The following ADGRL2 variants were observed in gnomAD, a reference collection of about 807,000 sequenced individuals.
ADGRL2 encodes adhesion G protein-coupled receptor L2, also known as calcium-independent alpha-latrotoxin receptor 2.
In ADGRL2, 44 loss-of-function variants were observed where a neutral mutation model predicts 157.4. The ratio of observed to expected loss-of-function variants is 0.28; its 90% CI spans 0.22 to 0.36. ADGRL2 has a LOEUF of 0.36. Among genes scored for constraint, ADGRL2 ranks in the 10% least tolerant of loss-of-function variants. ADGRL2 has a pLI of 1.00. For missense variants in ADGRL2, 1,510 were observed against 1,768.9 expected (o/e 0.85, Z 2.63); for synonymous variants, 585 against 624.7 (o/e 0.94, Z 0.95).
At chr1:81,326,824 C>T (rs969053401) in intron 1 of ADGRL2, among the ~76,000 whole-genome samples, 16 of 152,038 alleles carry the variant, frequency 1.1e-4, no homozygotes, top group African/African-American at 3.4e-4. Flanking sequence ...CATCCTGAAC[C>T]GTCAGAAATA....
intron 2 of ADGRL2, among the ~76,000 whole-genome samples, chr1:81,558,367 T>TA (rs1023215274): frequency 5.3e-5 from 8 of 151,730 alleles, no homozygotes; most frequent in Middle Eastern, 6.8e-3. Flanking sequence ...GTGATAATAC[T>TA]AAAAAAAAAT....
chr1:81,655,279 C>T (rs926147363), intron 3 of ADGRL2, among the ~76,000 whole-genome samples: 1 of 152,180 alleles, frequency 6.6e-6, no homozygotes, highest in Non-Finnish European at 1.5e-5. Flanking sequence ...AGATTACAGG[C>T]GTGAGCCACC....
chr1:81,511,483 C>T (rs151260351), intron 2 of ADGRL2, among the ~76,000 whole-genome samples: 2 of 151,068 alleles, frequency 1.3e-5, no homozygotes, highest in East Asian at 1.9e-4. Flanking sequence ...AACATACCAA[C>T]GATTAGCAAG....
chr1:81,912,816 A>C (rs752887374), intron 3 of ADGRL2, among the ~76,000 whole-genome samples: 1 of 152,170 alleles, frequency 6.6e-6, no homozygotes. Flanking sequence ...AGGATTTTCG[A>C]GATAGGAGAG....
chr1:81,309,599 T>C (rs577738835), intron 1 of ADGRL2, among the ~76,000 whole-genome samples: 1 of 152,182 alleles, frequency 6.6e-6, no homozygotes, highest in Admixed American at 6.5e-5. Flanking sequence ...GATTCTGATT[T>C]TCCAACTCTT....
chr1:81,424,573 T>C (rs1367534682), intron 1 of ADGRL2, among the ~76,000 whole-genome samples: 1 of 152,220 alleles, frequency 6.6e-6, no homozygotes, highest in African/African-American at 2.4e-5. Flanking sequence ...CCTCTATCAT[T>C]GTGGGCAGTT....
intron 1 of ADGRL2, among the ~76,000 whole-genome samples, chr1:81,397,495 A>AT (rs901681441): frequency 6.6e-6 from 1 of 151,634 alleles, no homozygotes; most frequent in African/African-American, 2.4e-5. Flanking sequence ...AATTTCTTGC[A>AT]TTTTTAGTAG....
chr1:81,479,398 A>C (rs147869520), intron 2 of ADGRL2, among the ~76,000 whole-genome samples: 2,390 of 152,004 alleles, frequency 0.016, 69 homozygotes, highest in East Asian at 0.13. Context: ...CAGGAGAATC[A>C]CTTGAACCCA....
Position 81,693,950 on chromosome 1 carries a change from G to T in ADGRL2, c.-142-67861G>T, listed in dbSNP as rs566257356. Among the ~76,000 whole-genome samples the T allele has an allele frequency of 2.0e-5, 3 of 152,232 alleles. No individual in the cohort carries two copies. The South Asian group carries it at 6.2e-4, about 32-fold the overall frequency. On this transcript the variant is annotated intron_variant, in intron 3 of 24. Coordinates refer to the ADGRL2 transcript ENST00000370721. ...GGTAAGCAGATATGTAAATACATAG[G>T]TGCAATGGATATTATGGGCATCTGT... is the stretch of plus-strand genomic sequence containing the variant.
At chr1:81,875,558 C>T (rs2093816774) in intron 2 of ADGRL2, among the ~76,000 whole-genome samples, 2 of 152,024 alleles carry the variant, frequency 1.3e-5, no homozygotes, top group African/African-American at 4.8e-5. Context: ...TAATATTGCA[C>T]CATATTGTGA....
At chr1:81,645,154 C>T (rs1334428104) in intron 3 of ADGRL2, among the ~76,000 whole-genome samples, 1 of 151,930 alleles carries the variant, frequency 6.6e-6, no homozygotes, top group Admixed American at 6.6e-5. Flanking sequence ...CTTTGAGAGG[C>T]CAAGGCAGGA....
At chr1:81,727,032 T>G (rs2084553235) in intron 1 of ADGRL2, among the ~76,000 whole-genome samples, 1 of 152,220 alleles carries the variant, frequency 6.6e-6, no homozygotes, top group Non-Finnish European at 1.5e-5. Context: ...TTATAGATAT[T>G]GCTGATGTCA....
chr1:81,703,932 A>G (rs139386451), intron 1 of ADGRL2, among the ~76,000 whole-genome samples: 241 of 152,340 alleles, frequency 1.6e-3, no homozygotes, highest in African/African-American at 5.7e-3. Context: ...ATATCTGCAT[A>G]TGAAGTAAAG....
At chr1:81,755,058 T>C (rs1571085289) in intron 1 of ADGRL2, among the ~76,000 whole-genome samples, 1 of 151,066 alleles carries the variant, frequency 6.6e-6, no homozygotes, top group East Asian at 1.9e-4. Context: ...TCTGAATAAA[T>C]ATATTTACTG....
At position 81,990,780 on chromosome 1, in the gene ADGRL2, C is replaced by A; in HGVS notation, c.4045C>A (p.Pro1349Thr). 6.2e-7 allele frequency: 1 copy of A among 1,614,100 alleles called. No individual in the cohort carries two copies. The part of the protein sequence containing the change: ...PQRTHSLLYQ[P>T]QKKVKSEGTD... ...GCGGACTCACTCCCTTCTGTACCAA[C>A]CCCAGAAGAAAGTGAAGTCCGAGGG... Residue 1349 changes from proline (P) to threonine (T), a missense_variant, in exon 24 of 24, where the codon CCC (proline) becomes ACC (threonine). Pro to Thr is a conservative substitution (Grantham distance 38). Around this residue, in one of 4 missense-constraint regions of ADGRL2, gnomAD observed 327 missense variants for 310.1 expected, o/e 1.05. Transcript: ENST00000686636.
intron 2 of ADGRL2, among the ~76,000 whole-genome samples, chr1:81,487,047 G>A (rs544382902): frequency 1.2e-3 from 165 of 136,132 alleles, no homozygotes; most frequent in African/African-American, 4.0e-3. Flanking sequence ...CTTGAGCCAG[G>A]AATTGGAGAC....
chr1:81,342,329 T>C (rs1662133195), intron 1 of ADGRL2, among the ~76,000 whole-genome samples: 1 of 152,210 alleles, frequency 6.6e-6, no homozygotes, highest in Non-Finnish European at 1.5e-5. Context: ...AGAGTTACAG[T>C]GGAATTAATC....
At chr1:81,794,633 G>A (rs867727337) in intron 2 of ADGRL2, among the ~76,000 whole-genome samples, 9 of 152,094 alleles carry the variant, frequency 5.9e-5, no homozygotes, top group African/African-American at 2.2e-4. Flanking sequence ...ATTTTAATAT[G>A]ATTCTAAATT....
chr1:81,802,410 T>TC (rs1248528609), intron 1 of ADGRL2, among the ~76,000 whole-genome samples: 3 of 151,476 alleles, frequency 2.0e-5, no homozygotes, highest in East Asian at 2.0e-4. Flanking sequence ...GCTCGCTCCC[T>TC]CCCCCCAATC....
Sources: gnomAD v4.1 joint callset for allele counts (sites outside exome capture counted in the v4.1 genomes callset) on GRCh38, gnomAD v4.1.1 for gene constraint, gnomAD v4.1.1 regional missense constraint, MANE v1.5 for transcripts, NCBI Gene and HGNC (gene_info 2026-07-23, HGNC 2026-07-21) for gene names.